ELMO1: variants seen among roughly 807,000 people sequenced by gnomAD.
The protein encoded by ELMO1 is engulfment and cell motility protein 1.
ELMO1 carries 26 observed loss-of-function variants against 98.9 expected under a neutral mutation model. The ratio of observed to expected loss-of-function variants is 0.26; its 90% confidence interval spans 0.19 to 0.36. ELMO1 has a LOEUF of 0.36. Among genes scored for constraint, ELMO1 ranks in the 10% least tolerant of loss-of-function variants. The pLI is 1.00. For missense variants in ELMO1, 627 were observed against 935.2 expected (o/e 0.67, Z 4.30); for synonymous variants, 346 against 346.0 (o/e 1.00, Z 0.00).
intron 13 of ELMO1, among the ~76,000 whole-genome samples, chr7:37,171,931 G>A (rs1790195011): frequency 6.6e-6 from 1 of 152,104 alleles, no homozygotes; most frequent in South Asian, 2.1e-4. Context: ...ACCAAGTTGG[G>A]TCTTTTGTTT....
chr7:37,200,720 C>A (rs184002941), intron 13 of ELMO1, among the ~76,000 whole-genome samples: 1 of 152,208 alleles, frequency 6.6e-6, no homozygotes, highest in East Asian at 1.9e-4. Flanking sequence ...AATCCAAGCA[C>A]CTTGGGAGGC....
chr7:36,881,070 TCA>T (rs1408448460), intron 18 of ELMO1, among the ~76,000 whole-genome samples: 1 of 152,180 alleles, frequency 6.6e-6, no homozygotes, highest in Non-Finnish European at 1.5e-5. Context: ...GATTGGTACA[TCA>T]CAGATATAAG....
intron 14 of ELMO1, among the ~76,000 whole-genome samples, chr7:37,126,785 G>T (rs1014753256): frequency 6.6e-6 from 1 of 152,206 alleles, no homozygotes; most frequent in African/African-American, 2.4e-5. Context: ...CAGGCACGTG[G>T]TAGGTGTTTG....
chr7:37,256,044 C>A (rs1273237977), intron 6 of ELMO1, among the ~76,000 whole-genome samples: 11 of 152,152 alleles, frequency 7.2e-5, no homozygotes. Flanking sequence ...CAGCTTCCAG[C>A]CTGGAGCTCC....
intron 16 of ELMO1, among the ~76,000 whole-genome samples, chr7:36,928,092 A>G (rs1785724397): frequency 6.6e-6 from 1 of 152,226 alleles, no homozygotes; most frequent in Admixed American, 6.5e-5. Flanking sequence ...GAAAAAGAAG[A>G]TTCAAAAGTT....
At chr7:37,405,226 A>C (rs963076935) in intron 1 of ELMO1, among the ~76,000 whole-genome samples, 10 of 150,564 alleles carry the variant, frequency 6.6e-5, no homozygotes, top group Admixed American at 2.7e-4. Flanking sequence ...GGGAAAAAAA[A>C]CCCTAAGAAT....
intron 1 of ELMO1, among the ~76,000 whole-genome samples, chr7:37,413,487 C>A (rs1425876861): frequency 2.0e-5 from 3 of 152,304 alleles, no homozygotes; most frequent in South Asian, 2.1e-4. Flanking sequence ...CCAGTTGGTA[C>A]AACCTGGCAA....
chr7:37,028,017 A>G (rs959649855), intron 15 of ELMO1, among the ~76,000 whole-genome samples: 2 of 151,674 alleles, frequency 1.3e-5, no homozygotes, highest in African/African-American at 4.9e-5. Flanking sequence ...TATTGCAATG[A>G]CCATACTACG....
chr7:37,368,590 T>C (rs1801991841), intron 1 of ELMO1, among the ~76,000 whole-genome samples: 1 of 152,128 alleles, frequency 6.6e-6, no homozygotes, highest in Non-Finnish European at 1.5e-5. Context: ...TCCCTAGGAA[T>C]CTCATCAAAT....
At chr7:37,230,295 G>T (rs907356254) in intron 8 of ELMO1, among the ~76,000 whole-genome samples, 1 of 152,134 alleles carries the variant, frequency 6.6e-6, no homozygotes, top group Admixed American at 6.6e-5. Context: ...GCTGGAACAG[G>T]GGCATTCAGG....
At chr7:37,151,939 A>G (rs1788392728) in intron 13 of ELMO1, among the ~76,000 whole-genome samples, 1 of 152,156 alleles carries the variant, frequency 6.6e-6, no homozygotes, top group Middle Eastern at 3.2e-3. Context: ...CCACCTGCCA[A>G]CAGAGCAACT....
At chr7:37,318,376 T>C (rs942617419) in intron 2 of ELMO1, among the ~76,000 whole-genome samples, 3 of 152,214 alleles carry the variant, frequency 2.0e-5, no homozygotes, top group Admixed American at 6.5e-5. Flanking sequence ...AGCCAGGTTT[T>C]AGTCTTAAAT....
At chr7:37,357,429 A>G (rs1440074885) in intron 1 of ELMO1, among the ~76,000 whole-genome samples, 3 of 152,122 alleles carry the variant, frequency 2.0e-5, no homozygotes, top group Non-Finnish European at 2.9e-5. Flanking sequence ...GCTGCCCCCC[A>G]GAAGCTGTGG....
intron 14 of ELMO1, among the ~76,000 whole-genome samples, chr7:37,108,255 T>C (rs745410734): frequency 6.6e-6 from 1 of 152,160 alleles, no homozygotes; most frequent in Non-Finnish European, 1.5e-5. Context: ...GATCTCCCTC[T>C]GGTACAGCTC....
rs1199197029 is a variant in ELMO1 at position 37,133,174 on chromosome 7, T to C, written c.1147A>G (p.Asn383Asp). The part of the protein sequence containing the change: ...QTPPGMLALD[N>D]MLYFAKHHQD... ...TGGTGCTTGGCAAAGTACAGCATGT[T>C]GTCCAGAGCCAACATCCCAGGTGGA... is the stretch of plus-strand genomic sequence containing the variant. Residue 383 changes from asparagine (N) to aspartate (D), a missense_variant, in exon 14 of 22, where the codon AAC becomes GAC. Asn to Asp is a conservative substitution (Grantham distance 23). Coordinates refer to ENST00000310758, the MANE Select transcript of ELMO1 (RefSeq NM_014800.11). The C allele has an allele frequency of 1.2e-6, 2 of 1,613,186 alleles. No homozygotes were observed. The highest frequency in any genetic ancestry group is 1.1e-5 in the South Asian group (1 of 90,852).
At chr7:37,079,271 G>A (rs1797738099) in intron 15 of ELMO1, among the ~76,000 whole-genome samples, 1 of 152,150 alleles carries the variant, frequency 6.6e-6, no homozygotes, top group Non-Finnish European at 1.5e-5. Flanking sequence ...TCACTGTGAA[G>A]CAAAGCCCCT....
chr7:37,205,390 A>G (rs1448952663), intron 13 of ELMO1, among the ~76,000 whole-genome samples: 1 of 152,170 alleles, frequency 6.6e-6, no homozygotes, highest in African/African-American at 2.4e-5. Flanking sequence ...AAGACACCCT[A>G]TTTAGTATAT....
chr7:37,185,110 G>C (rs371515294), intron 13 of ELMO1, among the ~76,000 whole-genome samples: 16 of 152,276 alleles, frequency 1.1e-4, no homozygotes, highest in African/African-American at 3.9e-4. Context: ...GTCTTAAAGA[G>C]CGGAGTTATT....
intron 19 of ELMO1, among the ~76,000 whole-genome samples, chr7:36,877,379 C>T (rs560138652): frequency 2.6e-5 from 4 of 152,304 alleles, no homozygotes; most frequent in Non-Finnish European, 5.9e-5. Context: ...ACACTGTCAA[C>T]CTGGCACCTG....
Sources: gnomAD v4.1 joint callset for allele counts (sites outside exome capture counted in the v4.1 genomes callset) on GRCh38, gnomAD v4.1.1 for gene constraint, MANE v1.5 for transcripts, NCBI Gene and HGNC (gene_info 2026-07-23, HGNC 2026-07-21) for gene names.